LRRN3: variants seen among roughly 807,000 people sequenced by gnomAD.
The protein encoded by LRRN3 is leucine rich repeat neuronal 3.
Under a neutral mutation model 40.1 loss-of-function variants are expected in LRRN3, and 15 were observed. The observed-to-expected ratio is 0.37, with a 90% confidence interval of 0.25 to 0.58. The LOEUF (loss-of-function observed/expected upper bound fraction) is 0.58. Among genes scored for constraint, LRRN3 ranks in the 20% least tolerant of loss-of-function variants. LRRN3 has a pLI of 0.72. For missense variants in LRRN3, 746 were observed against 837.7 expected (o/e 0.89, Z 1.35); for synonymous variants, 308 against 297.2 (o/e 1.04, Z -0.37).
intron 2 of LRRN3, among the ~76,000 whole-genome samples, chr7:111,106,017 T>C (rs1398325972): frequency 6.6e-6 from 1 of 151,952 alleles, no homozygotes; most frequent in African/African-American, 2.4e-5. Context: ...GTACAAATAA[T>C]AGGCAGTTAA....
Position 111,124,994 on chromosome 7 carries a change from CAAAA to C in LRRN3, c.*98_*101del, listed in dbSNP as rs949546827. The C allele has an allele frequency of 2.2e-6, 2 of 905,366 alleles. No individual in the cohort carries two copies. The highest frequency in any genetic ancestry group is 3.3e-6 in the Non-Finnish European group (2 of 614,016). 56.1% of individuals were successfully genotyped at this position (905,366 alleles called of 1,614,324 possible). ...AAACAAAACAAAACAAACAAACAAA[CAAAA>C]AAGTAAAAAAAGATTACTTTCGAGA... On this transcript the variant is annotated 3_prime_UTR_variant, in exon 3 of 3. Transcript: ENST00000308478.
chr7:111,095,417 C>T (rs1797300152), intron 1 of LRRN3, among the ~76,000 whole-genome samples: 1 of 151,598 alleles, frequency 6.6e-6, no homozygotes, highest in Non-Finnish European at 1.5e-5. Context: ...CTCCTATGTG[C>T]AAAAAATCCC....
intron 2 of LRRN3, among the ~76,000 whole-genome samples, chr7:111,114,730 C>A (rs1173715290): frequency 7.3e-6 from 1 of 136,184 alleles, no homozygotes; most frequent in African/African-American, 2.9e-5. Flanking sequence ...ACAGGCGAGA[C>A]TCCATCTCAA....
At position 111,122,909 on chromosome 7, in the gene LRRN3, T is replaced by C; in HGVS notation, c.137T>C (p.Ile46Thr). Reference protein sequence around the residue: ...EIRPWFTPRSIYMEASTVDCN... With the variant: ...EIRPWFTPRSTYMEASTVDCN... ...AGGCCTTGGTTTACACCCAGATCCA[T>C]TTATATGGAAGCATCTACAGTGGAT... Residue 46 changes from isoleucine (I) to threonine (T), a missense_variant, in exon 3 of 3, where the codon ATT becomes ACT. Physicochemically the swap from Ile to Thr is moderately conservative, Grantham distance 89 (BLOSUM62 -1). Transcript: ENST00000308478. 6.2e-7 allele frequency: 1 copy of C among 1,614,034 alleles called. No homozygotes were observed. The highest frequency in any genetic ancestry group is 8.5e-7 in the Non-Finnish European group (1 of 1,179,934).
chr7:111,124,073 T>C lies in LRRN3; in HGVS notation c.1301T>C (p.Val434Ala). ...GAGAGCTTTCCTTCTAATCTAAATG[T>C]AGAAGCTGGGAGCTATGTTTCCTTT... ...APESFPSNLN[V>A]EAGSYVSFHC... Residue 434 changes from valine to alanine, a missense_variant, in exon 3 of 3, where the codon GTA becomes GCA. Physicochemically the swap from Val to Ala is moderately conservative, Grantham distance 64. Coordinates refer to ENST00000308478, the MANE Select transcript of LRRN3 (RefSeq NM_001099658.2). 6.2e-7 allele frequency: 1 copy of C among 1,614,038 alleles called. No individual in the cohort carries two copies. The highest frequency in any genetic ancestry group is 1.1e-5 in the South Asian group (1 of 91,078).
chr7:111,106,269 T>G (rs190791599), intron 2 of LRRN3, among the ~76,000 whole-genome samples: 8 of 151,918 alleles, frequency 5.3e-5, no homozygotes, highest in African/African-American at 1.9e-4. Context: ...TGTGGAACAA[T>G]TGAAGCACAA....
At chr7:111,101,983 T>C (rs1426628355) in intron 2 of LRRN3, among the ~76,000 whole-genome samples, 2 of 151,298 alleles carry the variant, frequency 1.3e-5, no homozygotes, top group Non-Finnish European at 3.0e-5. Flanking sequence ...CTAATTTTCA[T>C]ACACTATATC....
At chr7:111,100,702 G>T (rs1797879759) in intron 2 of LRRN3, among the ~76,000 whole-genome samples, 2 of 151,104 alleles carry the variant, frequency 1.3e-5, no homozygotes, top group African/African-American at 4.8e-5. Flanking sequence ...CTGGATTAAG[G>T]TTTTTTTGTT....
intron 2 of LRRN3, among the ~76,000 whole-genome samples, chr7:111,121,690 G>C (rs1800641540): frequency 6.6e-6 from 1 of 152,096 alleles, no homozygotes; most frequent in Non-Finnish European, 1.5e-5. Context: ...CGGGGATCTA[G>C]AACTAGAAAT....
rs748649668 is a variant in LRRN3 at position 111,123,514 on chromosome 7, C to T, written c.742C>T (p.Leu248Phe). ...AAGCATCTCTTTTTACGATAACAGG[C>T]TTATTAAAGTACCCCATGTTGCTCT... The part of the protein sequence containing the change: ...LESISFYDNR[L>F]IKVPHVALQK... The change falls in exon 3 of 3, where the codon CTT becomes TTT. Residue 248 changes from leucine to phenylalanine, a missense_variant. Transcript: ENST00000308478. The surrounding 1 kb of genome is among the most constrained non-coding windows in gnomAD (Gnocchi z 6.4). The T allele has an allele frequency of 8.1e-6, 13 of 1,613,856 alleles. No homozygotes were observed. The highest frequency in any genetic ancestry group is 1.0e-5 in the Non-Finnish European group (12 of 1,179,932).
intron 1 of LRRN3, among the ~76,000 whole-genome samples, chr7:111,092,157 C>A (rs1423190134): frequency 6.6e-6 from 1 of 152,160 alleles, no homozygotes; most frequent in African/African-American, 2.4e-5. Context: ...TAAATGACTT[C>A]CCTTTAATAA....
At chr7:111,114,768 A>G (rs1164879162) in intron 2 of LRRN3, among the ~76,000 whole-genome samples, 1 of 151,986 alleles carries the variant, frequency 6.6e-6, no homozygotes, top group East Asian at 1.9e-4. Flanking sequence ...GAAAGAAAAA[A>G]AAAGAAATAC....
At chr7:111,119,104 T>C (rs1014106280) in intron 2 of LRRN3, among the ~76,000 whole-genome samples, 10 of 152,160 alleles carry the variant, frequency 6.6e-5, no homozygotes, top group African/African-American at 2.2e-4. Context: ...AAGAAGGATA[T>C]AGGTACCTCT....
At chr7:111,113,915 C>A (rs903034441) in intron 2 of LRRN3, among the ~76,000 whole-genome samples, 1 of 152,198 alleles carries the variant, frequency 6.6e-6, no homozygotes, top group African/African-American at 2.4e-5. Context: ...CCAAAACTTA[C>A]GAGAGAATAA....
intron 1 of LRRN3, among the ~76,000 whole-genome samples, chr7:111,093,054 T>A (rs141642646): frequency 6.6e-6 from 1 of 152,198 alleles, no homozygotes; most frequent in African/African-American, 2.4e-5. Context: ...GTCAAAAAAA[T>A]GAGTCAGTTT....
intron 2 of LRRN3, among the ~76,000 whole-genome samples, chr7:111,111,951 T>TG (rs1563254709): frequency 2.0e-4 from 26 of 133,226 alleles, no homozygotes; most frequent in African/African-American, 7.0e-4. Context: ...TGTTTTTTTT[T>TG]TTTTTTTTTT....
chr7:111,093,213 A>C (rs1216718320), intron 1 of LRRN3, among the ~76,000 whole-genome samples: 2 of 152,222 alleles, frequency 1.3e-5, no homozygotes, highest in Non-Finnish European at 2.9e-5. Context: ...AGAAAAATGA[A>C]AGGTGCTGAA....
chr7:111,114,214 T>C (rs1799574023), intron 2 of LRRN3, among the ~76,000 whole-genome samples: 1 of 152,048 alleles, frequency 6.6e-6, no homozygotes, highest in Non-Finnish European at 1.5e-5. Context: ...AAATTACTCC[T>C]GACATACAAA....
intron 1 of LRRN3, among the ~76,000 whole-genome samples, chr7:111,097,584 G>GA (rs140380963): frequency 4.7e-5 from 7 of 149,456 alleles, no homozygotes; most frequent in African/African-American, 9.8e-5. Context: ...CTTTCTTAAG[G>GA]AAAAAAAACA....
Sources: gnomAD v4.1 joint callset for allele counts (sites outside exome capture counted in the v4.1 genomes callset) on GRCh38, gnomAD v4.1.1 for gene constraint, Gnocchi (gnomAD v3.1) non-coding constraint, MANE v1.5 for transcripts, NCBI Gene and HGNC (gene_info 2026-07-23, HGNC 2026-07-21) for gene names.